Variants in ADGRG1 observed in about 807,000 individuals in gnomAD.
The protein encoded by ADGRG1 is 7-transmembrane protein with no EGF-like N-terminal domains-1.
Under a neutral mutation model 73.5 loss-of-function variants are expected in ADGRG1, and 53 were observed. The observed-to-expected ratio is 0.72, with a 90% CI of 0.58 to 0.91. The LOEUF (loss-of-function observed/expected upper bound fraction) is 0.91. ADGRG1 is among the 40% of genes least tolerant of loss of function. ADGRG1 has a pLI of 0.00. For missense variants in ADGRG1, 795 were observed against 871.8 expected, an observed-to-expected ratio of 0.91 and a Z score of 1.11; for synonymous variants, 394 against 374.4, an observed-to-expected ratio of 1.05 and a Z score of -0.60.
At chr16:57,645,164 G>A in intron 1 of ADGRG1, 1 of 985,470 alleles carries the variant, frequency 1.0e-6, no homozygotes, top group Non-Finnish European at 1.2e-6. Context: ...CAGCAGCTCA[G>A]TGTCGTGCCC....
In ADGRG1 at chr16:57,655,932, C is replaced by T. The variant is rs1222693851; in HGVS notation, c.957C>T (p.Asn319=). ...AGGTCTTGGGGATTGTGGTACAGAACACCAAAGTAGCCAACCTCACGGAGC... is the reference window on the plus strand; with the variant it reads ...AGGTCTTGGGGATTGTGGTACAGAATACCAAAGTAGCCAACCTCACGGAGC... ...GEKVLGIVVQ[N]TKVANLTEPV... Residue 319 remains asparagine, a synonymous_variant, in exon 7 of 14, where the codon AAC becomes AAT. Transcript: ENST00000562631. The T allele has an allele frequency of 1.9e-6, 3 of 1,614,048 alleles. No homozygotes were observed. The highest frequency in any genetic ancestry group is 2.2e-5 in the South Asian group (2 of 91,096).
At chr16:57,641,288 AT>A in intron 1 of ADGRG1, 1 of 985,258 alleles carries the variant, frequency 1.0e-6, no homozygotes, top group Non-Finnish European at 1.2e-6. Context: ...AGGCATGTAC[AT>A]TCCCTGGGCA....
intron 1 of ADGRG1, chr16:57,639,540 C>T (rs2040223462): frequency 2.0e-6 from 2 of 985,456 alleles, no homozygotes; most frequent in South Asian, 9.4e-5. Context: ...TCTCTGTCCT[C>T]TTGAAAAAAG....
At chr16:57,657,327 G>A (rs764799395) in intron 9 of ADGRG1, 46 bp from the exon 10 acceptor site, 2 of 1,613,234 alleles carry the variant, frequency 1.2e-6, no homozygotes, top group East Asian at 2.2e-5. Context: ...CCTCCAGGTT[G>A]TGTGGGGGAC....
At chr16:57,644,893 C>G (rs1441708890) in intron 1 of ADGRG1, among the ~76,000 whole-genome samples, 1 of 144,638 alleles carries the variant, frequency 6.9e-6, no homozygotes, top group African/African-American at 2.6e-5. Context: ...CATGCATGGG[C>G]ACACACACTC....
At chr16:57,660,928 G>C in intron 12 of ADGRG1, 52 bp downstream of exon 12, 1 of 1,090,028 alleles carries the variant, frequency 9.2e-7, no homozygotes, top group Non-Finnish European at 1.4e-6. Flanking sequence ...GGGCACAGAG[G>C]CCAGAGTGCA....
intron 1 of ADGRG1, among the ~76,000 whole-genome samples, chr16:57,632,651 G>C (rs146166855): frequency 6.6e-5 from 10 of 152,216 alleles, no homozygotes; most frequent in African/African-American, 1.7e-4. Flanking sequence ...AGCCTGACTC[G>C]TGCTTTGGTG....
chr16:57,645,377 ACCC>A, intron 1 of ADGRG1: 1 of 829,772 alleles, frequency 1.2e-6, no homozygotes, highest in Non-Finnish European at 1.4e-6. Flanking sequence ...CCACCCCACC[ACCC>A]CCCAACCTGA....
chr16:57,629,098 G>C (rs1196629569), intron 1 of ADGRG1: 1 of 807,392 alleles, frequency 1.2e-6, no homozygotes, highest in African/African-American at 1.9e-5. Context: ...GTGAGTGTAA[G>C]TGTGGATGTG....
chr16:57,655,453 C>A lies in ADGRG1; in HGVS notation c.823C>A (p.Gln275Lys). 6.2e-7 allele frequency: 1 copy of A among 1,613,818 alleles called. No individual in the cohort carries two copies. The highest frequency in any genetic ancestry group is 8.5e-7 in the Non-Finnish European group (1 of 1,179,990). ...GGTGCTGCTGCCTCGAACACTCTTC[C>A]AGAGGACGAAAGGCCGGAGCGGGGA... ...YSVLLPRTLF[Q>K]RTKGRSGEAE... The change falls in exon 6 of 14, where the codon CAG (glutamine) becomes AAG (lysine). Residue 275 changes from glutamine (Q) to lysine (K), a missense_variant. Physicochemically the swap from Gln to Lys is moderately conservative, Grantham distance 53 (BLOSUM62 1). Transcript: ENST00000562631.
In ADGRG1 at chr16:57,628,664, T is replaced by C. The variant is rs2036405407; in HGVS notation, c.-174T>C. The C allele has an allele frequency of 2.0e-6, 2 of 985,386 alleles. No individual in the cohort carries two copies. The highest frequency in any genetic ancestry group is 2.4e-6 in the Non-Finnish European group (2 of 829,978). The allele number at this position is 985,386 out of a possible 1,614,324, so 61.0% of individuals were successfully genotyped here. On this transcript the variant is annotated 5_prime_UTR_variant, in exon 1 of 14. It removes an upstream start codon present in the reference 5' UTR. Transcript: ENST00000562631. Reference sequence around the variant, plus strand: ...GTCTGCCCTGCCCTGCCGTAGGAGATGGGCTGGGAGCCTCCCACGCTCTCC... The same window carrying C: ...GTCTGCCCTGCCCTGCCGTAGGAGACGGGCTGGGAGCCTCCCACGCTCTCC...
intron 5 of ADGRG1, among the ~76,000 whole-genome samples, chr16:57,654,736 C>G (rs531721609): frequency 9.2e-5 from 14 of 152,172 alleles, no homozygotes; most frequent in Non-Finnish European, 1.8e-4. Context: ...AAAAATTAGC[C>G]GGGCATGGTA....
intron 1 of ADGRG1, chr16:57,630,541 G>A (rs529293454): frequency 2.5e-4 from 251 of 985,214 alleles, no homozygotes; most frequent in Non-Finnish European, 2.9e-4. Context: ...CGAGAGTGTC[G>A]GGTGATGGAG....
chr16:57,636,780 T>A (rs1247850318), intron 1 of ADGRG1: 1 of 840,558 alleles, frequency 1.2e-6, no homozygotes, highest in Non-Finnish European at 1.4e-6. Flanking sequence ...TGCTAGGTAC[T>A]GGAGATGCAG....
chr16:57,623,204 CAG>C (rs373719314), upstream of ADGRG1: 2,507 of 984,968 alleles, frequency 2.5e-3, 3 homozygotes, highest in Non-Finnish European at 2.8e-3. Context: ...AAGTGCTAAA[CAG>C]GGGTTCACCT....
Position 57,653,236 on chromosome 16 carries a change from T to G in ADGRG1, c.521T>G (p.Val174Gly). 1 of 1,611,896 alleles carries G rather than the reference T, an allele frequency of 6.2e-7. No homozygotes were observed. Among genetic ancestry groups the G allele is most frequent in the East Asian group, 2.2e-5 (1 of 44,868 alleles). ...CACACGGCCGCTCACAATGCCTCGGTGGACATGTGCGAGCTCAAAAGGGAC... is the reference window on the plus strand; with the variant it reads ...CACACGGCCGCTCACAATGCCTCGGGGGACATGTGCGAGCTCAAAAGGGAC... ...PPHTAAHNAS[V>G]DMCELKRDLQ... The change falls in exon 4 of 14, where the codon GTG (valine) becomes GGG (glycine). Residue 174 changes from valine (V) to glycine (G), a missense_variant. Transcript: ENST00000562631.
upstream of ADGRG1, chr16:57,625,636 G>A: frequency 4.1e-6 from 4 of 984,026 alleles, no homozygotes; most frequent in Non-Finnish European, 4.8e-6. Context: ...GGAATCCCCT[G>A]GGCATCTTAT....
chr16:57,627,824 G>A (rs1376354415), upstream of ADGRG1: 2 of 985,138 alleles, frequency 2.0e-6, no homozygotes, highest in Non-Finnish European at 1.2e-6. Flanking sequence ...GCAGCGGGAG[G>A]TGCTGCTGAC....
upstream of ADGRG1, chr16:57,624,615 C>A: frequency 2.3e-6 from 1 of 443,478 alleles, no homozygotes; most frequent in Non-Finnish European, 3.0e-6. Context: ...TGCTGCTGCT[C>A]TGGCCAGAGG....
Sources: gnomAD v4.1 joint callset for allele counts (sites outside exome capture counted in the v4.1 genomes callset) on GRCh38, gnomAD v4.1.1 for gene constraint, MANE v1.5 for transcripts, NCBI Gene and HGNC (gene_info 2026-07-23, HGNC 2026-07-21) for gene names.